Variants in CAMK1D observed in about 807,000 individuals in gnomAD.
CAMK1D encodes calcium/calmodulin dependent protein kinase ID, also known as calcium/calmodulin-dependent protein kinase type 1D.
In CAMK1D, 9 loss-of-function variants were observed where a neutral mutation model predicts 47.7. The ratio of observed to expected loss-of-function variants is 0.19; its 90% CI spans 0.11 to 0.33. The LOEUF (loss-of-function observed/expected upper bound fraction) is 0.33. Ranked by LOEUF, CAMK1D falls within the 10% of genes least tolerant of loss-of-function variation. The pLI is 1.00. For synonymous variants in CAMK1D, 184 were observed against 184.9 expected (o/e 0.99, Z 0.04); for missense variants, 291 against 488.7 (o/e 0.60, Z 3.81).
At chr10:12,392,543 C>T (rs1374633870) in intron 1 of CAMK1D, among the ~76,000 whole-genome samples, 1 of 152,032 alleles carries the variant, frequency 6.6e-6, no homozygotes, top group Non-Finnish European at 1.5e-5. Context: ...GAATTTTCTT[C>T]CTTTTTATTT....
intron 2 of CAMK1D, among the ~76,000 whole-genome samples, chr10:12,638,068 AG>A (rs1373683847): frequency 6.6e-6 from 1 of 152,074 alleles, no homozygotes; most frequent in Non-Finnish European, 1.5e-5. Context: ...TTGTATTAGG[AG>A]GGGCCTCAGA....
At chr10:12,707,551 G>C (rs1256250660) in intron 3 of CAMK1D, among the ~76,000 whole-genome samples, 1 of 152,242 alleles carries the variant, frequency 6.6e-6, no homozygotes, top group Non-Finnish European at 1.5e-5. Context: ...GGAAATGTCT[G>C]CTGGAGCTTG....
At chr10:12,719,780 G>A (rs1834299723) in intron 3 of CAMK1D, among the ~76,000 whole-genome samples, 1 of 152,216 alleles carries the variant, frequency 6.6e-6, no homozygotes, top group Admixed American at 6.5e-5. Context: ...GTTATCCCAG[G>A]ATGAAACCTA....
chr10:12,697,411 C>T (rs1833339480), intron 3 of CAMK1D, among the ~76,000 whole-genome samples: 1 of 151,820 alleles, frequency 6.6e-6, no homozygotes, highest in Admixed American at 6.6e-5. Flanking sequence ...ATATTTTTTT[C>T]CTTTGGTGAT....
intron 3 of CAMK1D, among the ~76,000 whole-genome samples, chr10:12,733,615 A>C (rs1227413164): frequency 6.6e-6 from 1 of 152,220 alleles, no homozygotes; most frequent in East Asian, 1.9e-4. Context: ...TTATATCACC[A>C]GGTAGTGTTC....
intron 2 of CAMK1D, among the ~76,000 whole-genome samples, chr10:12,616,587 G>C (rs1026299665): frequency 6.6e-6 from 1 of 151,292 alleles, no homozygotes; most frequent in Admixed American, 6.6e-5. Context: ...GTGTGATCTC[G>C]GCTCACTGCA....
chr10:12,745,090 G>A (rs1168587363), intron 3 of CAMK1D, among the ~76,000 whole-genome samples: 2 of 152,250 alleles, frequency 1.3e-5, no homozygotes, highest in Non-Finnish European at 2.9e-5. Context: ...GAGCGCAATG[G>A]CGCAATCTCG....
At position 12,631,768 on chromosome 10, in the gene CAMK1D, G is replaced by A. The variant is rs143657023; in HGVS notation, c.225-34968G>A. The stretch of plus-strand genomic sequence containing the variant: ...AAGACATGGTCCTTCATCATGTAGG[G>A]GCTGTCATTCAGAATTGGGAACAAT... On this transcript the variant is annotated intron_variant, in intron 2 of 10. Transcript: ENST00000619168. 3.1e-4 allele frequency among the ~76,000 whole-genome samples: 47 copies of A among 152,002 alleles called. No individual in the cohort carries two copies. In the East Asian group the frequency reaches 8.3e-3, roughly 27 times the overall value.
At chr10:12,598,696 T>C (rs1331776954) in intron 2 of CAMK1D, among the ~76,000 whole-genome samples, 2 of 152,228 alleles carry the variant, frequency 1.3e-5, no homozygotes, top group East Asian at 3.8e-4. Flanking sequence ...GGCTCTGTAC[T>C]GGTGGGTTTC....
chr10:12,420,274 T>TA (rs1358048894), intron 1 of CAMK1D, among the ~76,000 whole-genome samples: 1 of 152,226 alleles, frequency 6.6e-6, no homozygotes, highest in African/African-American at 2.4e-5. Flanking sequence ...TATGTAACTT[T>TA]AAAAAATACG....
chr10:12,482,378 C>G (rs1183818976), intron 1 of CAMK1D, among the ~76,000 whole-genome samples: 1 of 152,232 alleles, frequency 6.6e-6, no homozygotes, highest in Admixed American at 6.5e-5. Context: ...TCAGCGCTTG[C>G]ATCCACTTGT....
intron 3 of CAMK1D, among the ~76,000 whole-genome samples, chr10:12,711,642 AG>A (rs1833940408): frequency 6.6e-6 from 1 of 152,198 alleles, no homozygotes; most frequent in African/African-American, 2.4e-5. Flanking sequence ...TCATAAGAAG[AG>A]GTGAATGTCA....
chr10:12,729,980 C>T (rs1834819477), intron 3 of CAMK1D, among the ~76,000 whole-genome samples: 1 of 152,182 alleles, frequency 6.6e-6, no homozygotes, highest in African/African-American at 2.4e-5. Flanking sequence ...TTTGGGCTGA[C>T]TCTGAGGAGG....
chr10:12,776,506 A>G (rs1164164177), intron 5 of CAMK1D, among the ~76,000 whole-genome samples: 5 of 152,220 alleles, frequency 3.3e-5, no homozygotes, highest in African/African-American at 1.2e-4. Flanking sequence ...ATCAATACTG[A>G]ACCATTGCTC....
At chr10:12,650,073 C>G (rs898976295) in intron 2 of CAMK1D, among the ~76,000 whole-genome samples, 4 of 152,318 alleles carry the variant, frequency 2.6e-5, no homozygotes, top group Middle Eastern at 3.4e-3. Flanking sequence ...AGGATAAAAC[C>G]CGCACAGGTG....
intron 1 of CAMK1D, among the ~76,000 whole-genome samples, chr10:12,496,477 G>T (rs529336834): frequency 2.0e-5 from 3 of 152,134 alleles, no homozygotes; most frequent in Non-Finnish European, 4.4e-5. Flanking sequence ...GAATGGAGGA[G>T]AGGGCACAGA....
At chr10:12,620,449 A>AT (rs1838965435) in intron 2 of CAMK1D, among the ~76,000 whole-genome samples, 1 of 152,146 alleles carries the variant, frequency 6.6e-6, no homozygotes, top group Non-Finnish European at 1.5e-5. Context: ...TCATTTTGTG[A>AT]TTTTAGCTAT....
intron 2 of CAMK1D, among the ~76,000 whole-genome samples, chr10:12,601,621 G>A (rs764722277): frequency 2.0e-5 from 3 of 152,082 alleles, no homozygotes; most frequent in Non-Finnish European, 2.9e-5. Flanking sequence ...CCGCCACCAC[G>A]TCTGGCTGGT....
At chr10:12,398,035 G>A (rs1284154017) in intron 1 of CAMK1D, among the ~76,000 whole-genome samples, 2 of 152,102 alleles carry the variant, frequency 1.3e-5, no homozygotes, top group African/African-American at 4.8e-5. Flanking sequence ...ACTTGAGAGA[G>A]GCAAAGGATG....
Sources: allele counts gnomAD v4.1 joint callset (sites outside exome capture counted in the v4.1 genomes callset), GRCh38; gene constraint gnomAD v4.1.1; transcripts MANE v1.5; gene names NCBI Gene and HGNC (gene_info 2026-07-23, HGNC 2026-07-21).